Variants in NODAL observed in about 807,000 individuals in gnomAD.
NODAL encodes the protein nodal homolog.
In NODAL, 12 loss-of-function variants were observed where a neutral mutation model predicts 34.0. The observed-to-expected ratio is 0.35, with a 90% CI of 0.23 to 0.57. The LOEUF is 0.57. Ranked by LOEUF, NODAL falls within the 20% of genes least tolerant of loss-of-function variation. NODAL has a pLI of 0.83. For missense variants in NODAL, 390 were observed against 444.2 expected, an observed-to-expected ratio of 0.88 and a Z score of 1.10; for synonymous variants, 162 against 186.4, an observed-to-expected ratio of 0.87 and a Z score of 1.07.
chr10:70,435,710 G>T lies in NODAL; in HGVS notation c.467C>A (p.Thr156Asn). The T allele has an allele frequency of 6.2e-7, 1 of 1,614,168 alleles. No homozygotes were observed. The highest frequency in any genetic ancestry group is 2.2e-5 in the East Asian group (1 of 44,884). Residue 156 changes from threonine to asparagine, a missense_variant, in exon 2 of 3, where the codon ACC (threonine) becomes AAC (asparagine). Physicochemically the swap from Thr to Asn is moderately conservative, Grantham distance 65. Coordinates refer to ENST00000287139, the MANE Select transcript of NODAL (RefSeq NM_018055.5). ...FSLGSMVLEVTRPLSKWLKHP... is the reference protein window; with the variant it reads ...FSLGSMVLEVNRPLSKWLKHP... ...CTTCAGCCACTTGGAGAGAGGCCTG[G>T]TCACCTCCAAAACCATGCTGCCCAA...
At chr10:70,441,794 G>C (rs939117762), upstream of NODAL, 5 of 1,005,462 alleles carry the variant, frequency 5.0e-6, no homozygotes, top group African/African-American at 6.4e-5. Flanking sequence ...TCCGGAGGGT[G>C]GGGGGCAGAG....
rs139518258 is a variant in NODAL, at chr10:70,437,689, A to G, written c.194-1706T>C. On this transcript the variant is annotated intron_variant, in intron 1 of 2. Coordinates refer to ENST00000287139, the MANE Select transcript of NODAL (RefSeq NM_018055.5). ...TCTGATGTAGGTCCAGGCTGGCTGC[A>G]TAACAGTTTATTCATTGACTGTCTC... Among the ~76,000 whole-genome samples, 179 of 152,352 alleles carry G rather than the reference A, an allele frequency of 1.2e-3. 1 individual carries two copies. The highest frequency in any genetic ancestry group is 4.1e-3 in the African/African-American group (169 of 41,580).
intron 1 of NODAL, chr10:70,436,482 C>T (rs568536573): frequency 3.4e-5 from 7 of 203,230 alleles, no homozygotes; most frequent in African/African-American, 9.9e-5. Context: ...CATTTGAACC[C>T]GGGAGGCAGA....
At position 70,433,000 on chromosome 10, in the gene NODAL, T is replaced by C. The variant is rs1234594244; in HGVS notation, c.980A>G (p.Asp327Gly). The change falls in exon 3 of 3, where the codon GAT (aspartate) becomes GGT (glycine). Residue 327 changes from aspartate (D) to glycine (G), a missense_variant. Physicochemically the swap from Asp to Gly is moderately conservative, Grantham distance 94. Transcript: ENST00000287139. ...GTGATCTAGGAGCACTCTGCCATTA[T>C]CCACATACAGCATGCTCAGCGGCTT... ...KTKPLSMLYV[D>G]NGRVLLDHHK... 1 of 1,613,936 alleles carries C rather than the reference T, an allele frequency of 6.2e-7. No individual in the cohort carries two copies. Among genetic ancestry groups the C allele is most frequent in the African/African-American group, 1.3e-5 (1 of 74,870 alleles).
rs1564667180 is a variant in NODAL, at chr10:70,435,469, ACGGTGCCT to A, written c.700_707del (p.Arg234SerfsTer41). ...GACTTCTGTCTGGCAAGTGATGTCG[ACGGTGCCT>A]CTTGCCCCACTCCCAGGACAGCTGT... is the stretch of plus-strand genomic sequence containing the variant. On this transcript the variant is annotated frameshift_variant, in exon 2 of 3. Transcript: ENST00000287139. LOFTEE classifies it high-confidence loss of function. 1 of 1,614,184 alleles carries A rather than the reference ACGGTGCCT, an allele frequency of 6.2e-7. No individual in the cohort carries two copies. The highest frequency in any genetic ancestry group is 1.7e-5 in the Admixed American group (1 of 60,028).
At position 70,446,883 on chromosome 10, in the gene NODAL, ACCCCATATT is replaced by A. The variant is rs1845493440; in HGVS notation, c.28+1032_28+1040del. ...CAGTAAGTATTTGCTAAGTGATTGA[ACCCCATATT>A]CCCAAAGCAGGGCCCCCAAACACCC... On this transcript the variant is annotated intron_variant, in intron 1 of 2. Transcript: ENST00000414871. Among the ~76,000 whole-genome samples the A allele has an allele frequency of 2.0e-5, 3 of 151,684 alleles. No homozygotes were observed. The South Asian group carries it at 6.3e-4, about 32-fold the overall frequency.
Position 70,441,508 on chromosome 10 carries a change from TCGGCAG to T in NODAL, c.154_159del (p.Leu52_Pro53del). On this transcript the variant is annotated inframe_deletion, in exon 1 of 3. Transcript: ENST00000287139. Reference sequence around the variant, plus strand: ...TGTAGGCTGCGGATGATGTCTGCCCTCGGCAGCGGGTCGCGGTAGAGGCTCAGCATG... The same window carrying T: ...TGTAGGCTGCGGATGATGTCTGCCCTCGGGTCGCGGTAGAGGCTCAGCATG... 6.3e-7 allele frequency: 1 copy of T among 1,594,504 alleles called. No homozygotes were observed. The highest frequency in any genetic ancestry group is 8.5e-7 in the Non-Finnish European group (1 of 1,171,934).
chr10:70,447,942 A>G (rs886403555), exon 1 of NODAL: 11 of 470,746 alleles, frequency 2.3e-5, no homozygotes, highest in South Asian at 1.2e-4. Context: ...TGTATCCCCA[A>G]CTGTTGGTCT....
chr10:70,446,045 C>T (rs1015317233), upstream of NODAL, among the ~76,000 whole-genome samples: 3 of 152,172 alleles, frequency 2.0e-5, no homozygotes, highest in South Asian at 2.1e-4. Context: ...TTTTTAGGAC[C>T]GAGGCTAACA....
At chr10:70,438,047 T>G (rs1845379204) in intron 1 of NODAL, among the ~76,000 whole-genome samples, 1 of 152,040 alleles carries the variant, frequency 6.6e-6, no homozygotes, top group Admixed American at 6.6e-5. Flanking sequence ...CCCAGCACTT[T>G]GGGAGGCTGA....
chr10:70,441,338 C>A, intron 1 of NODAL, 137 bp downstream of exon 1: 1 of 923,968 alleles, frequency 1.1e-6, no homozygotes, highest in Non-Finnish European at 1.6e-6. Context: ...AGGCCCTGGG[C>A]TCGGGACGCC....
chr10:70,445,946 G>A (rs748529749), upstream of NODAL, among the ~76,000 whole-genome samples: 42 of 152,286 alleles, frequency 2.8e-4, no homozygotes, highest in Non-Finnish European at 4.4e-4. Flanking sequence ...TCTCTGACCC[G>A]CAAGAGCAAC....
Position 70,435,584 on chromosome 10 carries a change from G to C in NODAL, c.593C>G (p.Ser198Cys). Residue 198 changes from serine (S) to cysteine (C), a missense_variant, in exon 2 of 3, where the codon TCC (serine) becomes TGC (cysteine). Transcript: ENST00000287139. Reference sequence around the variant, plus strand: ...CTGCCTCTGCTCCTGCGAGAGGTTGGAGTAGAGCATAAGGAGCACATTGGT... The same window carrying C: ...CTGCCTCTGCTCCTGCGAGAGGTTGCAGTAGAGCATAAGGAGCACATTGGT... The part of the protein sequence containing the change: ...PATNVLLMLY[S>C]NLSQEQRQLG... 1 of 1,614,104 alleles carries C rather than the reference G, an allele frequency of 6.2e-7. No individual in the cohort carries two copies. The highest frequency in any genetic ancestry group is 8.5e-7 in the Non-Finnish European group (1 of 1,180,006).
At chr10:70,441,129 A>G (rs1370490520) in intron 1 of NODAL, among the ~76,000 whole-genome samples, 1 of 152,268 alleles carries the variant, frequency 6.6e-6, no homozygotes, top group African/African-American at 2.4e-5. Context: ...GGGATAAGCA[A>G]CTTCACAAGA....
At chr10:70,436,198 G>T (rs371176325) in intron 1 of NODAL, 1 of 593,488 alleles carries the variant, frequency 1.7e-6, no homozygotes, top group South Asian at 1.9e-5. Flanking sequence ...TCTGACCAAG[G>T]TGTCATTCTT....
upstream of NODAL, among the ~76,000 whole-genome samples, chr10:70,442,745 C>G (rs1026154173): frequency 6.6e-6 from 1 of 152,142 alleles, no homozygotes; most frequent in Non-Finnish European, 1.5e-5. Context: ...GCTAAGTGCT[C>G]TATACACCTG....
Position 70,435,824 on chromosome 10 carries a change from T to TTTG in NODAL, c.350_352dup (p.Pro117_Lys118insThr), listed in dbSNP as rs1478770766. ...GTCTGAAGCCTGCTCTGTGTCGGGC[T>TTTG]TTGGCTGGTGGAAAATCTCAATGGC... On this transcript the variant is annotated inframe_insertion, in exon 2 of 3. Transcript: ENST00000287139. 6.2e-7 allele frequency: 1 copy of TTTG among 1,614,014 alleles called. No individual in the cohort carries two copies. Among genetic ancestry groups the TTTG allele is most frequent in the African/African-American group, 1.3e-5 (1 of 74,952 alleles).
chr10:70,446,947 G>C (rs965075640), intron 1 of NODAL, among the ~76,000 whole-genome samples: 1 of 151,926 alleles, frequency 6.6e-6, no homozygotes, highest in African/African-American at 2.4e-5. Flanking sequence ...TCCTCCTGCT[G>C]TTTCTACTTT....
At chr10:70,434,039 G>A (rs1845308092) in intron 2 of NODAL, among the ~76,000 whole-genome samples, 1 of 152,114 alleles carries the variant, frequency 6.6e-6, no homozygotes, top group South Asian at 2.1e-4. Flanking sequence ...AGTACCCCCA[G>A]GGACTCCCTT....
Sources: allele counts gnomAD v4.1 joint callset (sites outside exome capture counted in the v4.1 genomes callset), GRCh38; gene constraint gnomAD v4.1.1; transcripts MANE v1.5; gene names NCBI Gene and HGNC (gene_info 2026-07-23, HGNC 2026-07-21).